Variants in EFCAB13 observed in about 807,000 individuals in gnomAD.
EFCAB13 encodes EF-hand calcium binding domain 13, also known as EF-hand calcium-binding domain-containing protein 13.
EFCAB13 carries 91 observed loss-of-function variants against 110.2 expected under a neutral mutation model. The ratio of observed to expected loss-of-function variants is 0.83; its 90% CI spans 0.70 to 0.98. The LOEUF (loss-of-function observed/expected upper bound fraction) is 0.98, where lower values mean the gene tolerates loss of function less well. EFCAB13 is among the 50% of genes least tolerant of loss of function. The pLI, the probability that EFCAB13 is intolerant of heterozygous loss-of-function variation, is 0.00. For synonymous variants in EFCAB13, 323 were observed against 369.9 expected, an observed-to-expected ratio of 0.87 and a Z score of 1.45; for missense variants, 968 against 1,119.4, an observed-to-expected ratio of 0.86 and a Z score of 1.93.
At chr17:47,415,247 G>A (rs1904401359) in intron 23 of EFCAB13, among the ~76,000 whole-genome samples, 3 of 152,022 alleles carry the variant, frequency 2.0e-5, no homozygotes, top group Admixed American at 2.0e-4. Context: ...TGGGGTGGGG[G>A]GACAGGGGAG....
intron 9 of EFCAB13, among the ~76,000 whole-genome samples, chr17:47,355,371 T>C (rs894252772): frequency 6.6e-5 from 10 of 152,228 alleles, no homozygotes; most frequent in African/African-American, 2.4e-4. Context: ...ATGATCTTTT[T>C]GCGATGAATT....
At chr17:47,348,707 G>A (rs1489789592) in intron 9 of EFCAB13, among the ~76,000 whole-genome samples, 1 of 151,788 alleles carries the variant, frequency 6.6e-6, no homozygotes, top group East Asian at 1.9e-4. Context: ...AAATAATGTT[G>A]AATATCTTTT....
chr17:47,327,686 A>C lies in EFCAB13; in HGVS notation c.-85-583A>C, dbSNP rs545425709. Among the ~76,000 whole-genome samples, 19 of 152,150 alleles carry C rather than the reference A, an allele frequency of 1.2e-4. No individual in the cohort carries two copies. The South Asian group carries it at 3.9e-3, about 32-fold the overall frequency. On this transcript the variant is annotated intron_variant, in intron 3 of 24. Transcript: ENST00000331493. ...TGACCAGGATGGTCTCAATCTCTTG[A>C]CCTCATGATCCGCCCACCTCGGCCT...
chr17:47,433,305 T>C (rs1316131058), intron 24 of EFCAB13, among the ~76,000 whole-genome samples: 1 of 152,208 alleles, frequency 6.6e-6, no homozygotes, highest in Non-Finnish European at 1.5e-5. Context: ...GATTTGTTAC[T>C]GATGATATTA....
At chr17:47,361,288 A>G (rs2065511089) in intron 9 of EFCAB13, 90 bp from the exon 10 acceptor site, 1 of 1,208,388 alleles carries the variant, frequency 8.3e-7, no homozygotes, top group South Asian at 1.4e-5. Flanking sequence ...ATACAAAGTT[A>G]TTTTCCCTTA....
Position 47,344,156 on chromosome 17 carries a change from CTCTA to C in EFCAB13, c.304-5_304-2del, listed in dbSNP as rs753404813. On this transcript the variant is annotated splice_acceptor_variant and splice_polypyrimidine_tract_variant and intron_variant, in intron 6 of 24. Transcript: ENST00000331493. LOFTEE classifies it high-confidence loss of function. ...CAGGCACCAACATACTTGCATTTGG[CTCTA>C]GATTATCCCTCCTTTTCTGAAGCTG... is the stretch of plus-strand genomic sequence containing the variant. 1 of 1,611,188 alleles carries C rather than the reference CTCTA, an allele frequency of 6.2e-7. No individual in the cohort carries two copies. Among genetic ancestry groups the C allele is most frequent in the Non-Finnish European group, 8.5e-7 (1 of 1,178,458 alleles).
Position 47,429,868 on chromosome 17 carries a change from G to C in EFCAB13, c.2545G>C (p.Asp849His), listed in dbSNP as rs1905075500. ...TTQILQNDLV[D>H]VSDLKTLLMD... is the part of the protein sequence containing the mutation. The stretch of plus-strand genomic sequence containing the variant: ...CCAAATTCTCCAGAATGATCTAGTT[G>C]ATGTCTCTGACCTCAAGACATTATT... Residue 849 changes from aspartate (D) to histidine (H), a missense_variant, in exon 24 of 25, where the codon GAT (aspartate) becomes CAT (histidine). Physicochemically the swap from Asp to His is moderately conservative, Grantham distance 81. Transcript: ENST00000331493. The C allele has an allele frequency of 8.7e-6, 14 of 1,611,860 alleles. No individual in the cohort carries two copies. Among genetic ancestry groups the C allele is most frequent in the Non-Finnish European group, 1.2e-5 (14 of 1,178,616 alleles).
chr17:47,362,951 G>A (rs994653531), intron 10 of EFCAB13, among the ~76,000 whole-genome samples: 4 of 152,156 alleles, frequency 2.6e-5, no homozygotes, highest in Admixed American at 1.3e-4. Context: ...CTTGGTGGTA[G>A]TGGTACCCCG....
At chr17:47,421,582 G>A (rs112455602) in intron 23 of EFCAB13, among the ~76,000 whole-genome samples, 3 of 141,742 alleles carry the variant, frequency 2.1e-5, no homozygotes, top group African/African-American at 8.1e-5. Flanking sequence ...TCCTATGACC[G>A]TGCCAAATCC....
chr17:47,347,373 A>G (rs546343566), intron 8 of EFCAB13, among the ~76,000 whole-genome samples: 7 of 152,166 alleles, frequency 4.6e-5, no homozygotes, highest in Admixed American at 1.3e-4. Flanking sequence ...TTCAATAGAC[A>G]TTTTTTTGAG....
intron 2 of EFCAB13, among the ~76,000 whole-genome samples, chr17:47,325,252 C>T (rs2065275213): frequency 6.6e-6 from 1 of 151,366 alleles, no homozygotes; most frequent in African/African-American, 2.4e-5. Context: ...TGGCCTTAAG[C>T]AGCCCTCCTG....
At chr17:47,404,249 C>T (rs963902086) in intron 19 of EFCAB13, among the ~76,000 whole-genome samples, 10 of 152,002 alleles carry the variant, frequency 6.6e-5, no homozygotes, top group African/African-American at 2.4e-4. Context: ...CTTGATTTAG[C>T]GAATGAAAAA....
intron 19 of EFCAB13, 81 bp downstream of exon 19, chr17:47,404,102 T>G: frequency 9.0e-7 from 1 of 1,113,656 alleles, no homozygotes; most frequent in South Asian, 1.8e-5. Context: ...TATTTGCTTA[T>G]GTTACTATAA....
chr17:47,413,633 A>G (rs549529419), intron 22 of EFCAB13, among the ~76,000 whole-genome samples: 3 of 152,106 alleles, frequency 2.0e-5, no homozygotes, highest in African/African-American at 7.2e-5. Context: ...ATCAATTTTT[A>G]TGTTTTGATC....
intron 8 of EFCAB13, among the ~76,000 whole-genome samples, chr17:47,345,475 C>G (rs1439433184): frequency 6.6e-6 from 1 of 152,152 alleles, no homozygotes; most frequent in African/African-American, 2.4e-5. Flanking sequence ...CTTCATGACA[C>G]TGACCTCTCC....
intron 14 of EFCAB13, among the ~76,000 whole-genome samples, chr17:47,387,032 G>A (rs1467854782): frequency 2.6e-5 from 4 of 152,132 alleles, no homozygotes; most frequent in Non-Finnish European, 2.9e-5. Context: ...AGAAATCACC[G>A]GCCTTCTGTG....
chr17:47,356,117 A>G (rs550723177), intron 9 of EFCAB13, among the ~76,000 whole-genome samples: 2 of 150,048 alleles, frequency 1.3e-5, no homozygotes, highest in African/African-American at 4.9e-5. Context: ...TTTTTTTTTA[A>G]GTTAGACTTC....
Position 47,404,587 on chromosome 17 carries a change from CTG to C in EFCAB13, c.2189_2190del (p.Cys730TyrfsTer15), listed in dbSNP as rs753227879. The C allele has an allele frequency of 5.0e-6, 8 of 1,612,496 alleles. No individual in the cohort carries two copies. The highest frequency in any genetic ancestry group is 1.3e-5 in the African/African-American group (1 of 74,800). ...SEDNMVNIKD[C>X]MRALRDTQKF... ...AAGATAACATGGTGAACATTAAAGA[CTG>C]TATGAGGGCTTTGAGGGACACCCAG... On this transcript the variant is annotated frameshift_variant, in exon 20 of 25. Transcript: ENST00000331493. LOFTEE classifies it high-confidence loss of function.
intron 20 of EFCAB13, among the ~76,000 whole-genome samples, chr17:47,407,502 A>G (rs2065811226): frequency 6.6e-6 from 1 of 152,080 alleles, no homozygotes; most frequent in Non-Finnish European, 1.5e-5. Context: ...ACTGAATTAC[A>G]TGTTGTATGT....
Sources: allele counts gnomAD v4.1 joint callset (sites outside exome capture counted in the v4.1 genomes callset), GRCh38; gene constraint gnomAD v4.1.1; transcripts MANE v1.5; gene names NCBI Gene and HGNC (gene_info 2026-07-23, HGNC 2026-07-21).